Variants in PNLIP observed in about 807,000 individuals in gnomAD.
PNLIP encodes the protein pancreatic triacylglycerol lipase.
PNLIP carries 49 observed loss-of-function variants against 57.1 expected under a neutral mutation model. The observed-to-expected ratio is 0.86, with a 90% CI of 0.68 to 1.09. The LOEUF is 1.09. Among genes scored for constraint, PNLIP ranks in the 50% least tolerant of loss-of-function variants. The pLI, the probability that PNLIP is intolerant of heterozygous loss-of-function variation, is 0.00. For synonymous variants in PNLIP, 209 were observed against 200.4 expected (o/e 1.04, Z -0.36); for missense variants, 503 against 570.2 (o/e 0.88, Z 1.20).
At position 116,546,402 on chromosome 10, in the gene PNLIP, C is replaced by A. The variant is rs1358945029; in HGVS notation, c.46+264C>A. 2.6e-5 allele frequency among the ~76,000 whole-genome samples: 4 copies of A among 152,190 alleles called. No individual in the cohort carries two copies. The East Asian group carries it at 7.7e-4, about 29-fold the overall frequency. ...TGACATATCTATACTAAAACATTAT[C>A]ATTTATCTGAAATTCAAATTTACTT... On this transcript the variant is annotated intron_variant, in intron 2 of 12. Transcript: ENST00000369221.
intron 12 of PNLIP, among the ~76,000 whole-genome samples, chr10:116,564,726 C>A (rs766402915): frequency 3.3e-5 from 5 of 151,876 alleles, no homozygotes; most frequent in African/African-American, 1.2e-4. Flanking sequence ...TAAAATATAA[C>A]AATGACATAA....
intron 12 of PNLIP, among the ~76,000 whole-genome samples, chr10:116,562,688 C>G (rs1285568210): frequency 6.6e-6 from 1 of 152,152 alleles, no homozygotes; most frequent in Non-Finnish European, 1.5e-5. Context: ...GAGAACAAAC[C>G]AGCTGGAGGT....
At chr10:116,550,548 CG>C (rs1328419992) in intron 4 of PNLIP, among the ~76,000 whole-genome samples, 23 of 152,214 alleles carry the variant, frequency 1.5e-4, no homozygotes, top group African/African-American at 5.3e-4. Flanking sequence ...CAATAAAACA[CG>C]TTCATCCAAA....
intron 12 of PNLIP, among the ~76,000 whole-genome samples, chr10:116,565,026 C>G (rs982217081): frequency 6.6e-6 from 1 of 151,682 alleles, no homozygotes; most frequent in African/African-American, 2.4e-5. Context: ...TTTGGGAGGC[C>G]GAGGCGGGTG....
chr10:116,551,400 G>A (rs1351372987), intron 5 of PNLIP, 168 bp downstream of exon 5: 2 of 452,620 alleles, frequency 4.4e-6, no homozygotes, highest in South Asian at 1.9e-4. Flanking sequence ...TCTAGCTTTG[G>A]GTTTCATCAA....
chr10:116,547,422 A>G lies in PNLIP; in HGVS notation c.175A>G (p.Thr59Ala), dbSNP rs147154871. 152 of 1,613,296 alleles carry G rather than the reference A, an allele frequency of 9.4e-5. No homozygotes were observed. In the East Asian group the frequency reaches 3.0e-3, roughly 32 times the overall value. ...KDVNTRFLLY[T>A]NENPNNFQEV... Reference sequence around the variant, plus strand: ...TGTCAACACCCGCTTCCTCCTATATACTAATGAGAACCCAAACAACTTTCA... The same window carrying G: ...TGTCAACACCCGCTTCCTCCTATATGCTAATGAGAACCCAAACAACTTTCA... The change falls in exon 3 of 13, where the codon ACT (threonine) becomes GCT (alanine). Residue 59 changes from threonine (T) to alanine (A), a missense_variant. Physicochemically the swap from Thr to Ala is moderately conservative, Grantham distance 58. Coordinates refer to ENST00000369221, the MANE Select transcript of PNLIP (RefSeq NM_000936.4).
intron 9 of PNLIP, among the ~76,000 whole-genome samples, chr10:116,556,533 A>C (rs1336491978): frequency 6.6e-6 from 1 of 152,048 alleles, no homozygotes; most frequent in Non-Finnish European, 1.5e-5. Context: ...TAATGGCCAA[A>C]ATTTTTTTTT....
intron 12 of PNLIP, among the ~76,000 whole-genome samples, chr10:116,566,275 C>G (rs538742599): frequency 6.6e-6 from 1 of 152,146 alleles, no homozygotes; most frequent in African/African-American, 2.4e-5. Context: ...GGATGAATCT[C>G]GAGATAATTA....
chr10:116,561,506 G>A lies in PNLIP; in HGVS notation c.1204G>A (p.Glu402Lys). 1.2e-6 allele frequency: 2 copies of A among 1,613,878 alleles called. No homozygotes were observed. The highest frequency in any genetic ancestry group is 2.2e-5 in the South Asian group (2 of 91,014). The part of the protein sequence containing the change: ...TLKPDSTHSN[E>K]FDSDVDVGDL... ...CAAACCAGATAGTACTCATTCCAATGAATTTGACTCAGATGTGGATGTTGG... is the reference window on the plus strand; with the variant it reads ...CAAACCAGATAGTACTCATTCCAATAAATTTGACTCAGATGTGGATGTTGG... The change falls in exon 12 of 13, where the codon GAA becomes AAA. Residue 402 changes from glutamate to lysine, a missense_variant. Transcript: ENST00000369221.
chr10:116,547,071 G>C, intron 2 of PNLIP, among the ~76,000 whole-genome samples: 1 of 152,164 alleles, frequency 6.6e-6, no homozygotes, highest in Non-Finnish European at 1.5e-5. Flanking sequence ...GACACAAGGG[G>C]AGTGAAGTGA....
At chr10:116,553,199 G>A (rs901510055) in intron 5 of PNLIP, among the ~76,000 whole-genome samples, 9 of 152,080 alleles carry the variant, frequency 5.9e-5, no homozygotes, top group East Asian at 1.9e-4. Flanking sequence ...TCCGTCTCCC[G>A]GGTTCAAGTG....
rs2133203102 is a variant in PNLIP, at chr10:116,555,380, G to T, written c.692-8G>T. On this transcript the variant is annotated splice_region_variant and splice_polypyrimidine_tract_variant and intron_variant, in intron 7 of 12. Coordinates refer to ENST00000369221, the MANE Select transcript of PNLIP (RefSeq NM_000936.4). The stretch of plus-strand genomic sequence containing the variant: ...AGCATAAACCCTCATGTATTTTTAT[G>T]ATTTCAGGGTTTGGAATGAGCCAAG... The T allele has an allele frequency of 6.2e-7, 1 of 1,614,068 alleles. No homozygotes were observed. The highest frequency in any genetic ancestry group is 8.5e-7 in the Non-Finnish European group (1 of 1,180,012).
At position 116,562,840 on chromosome 10, in the gene PNLIP, T is replaced by G. The variant is rs139416937; in HGVS notation, c.1334+1204T>G. ...GGTAGAGTATTTTAGAAGGTCTTGC[T>G]TTATAGTGGAAAATAATTTACCTAT... On this transcript the variant is annotated intron_variant, in intron 12 of 12. Coordinates refer to ENST00000369221, the MANE Select transcript of PNLIP (RefSeq NM_000936.4). Among the ~76,000 whole-genome samples, 563 of 152,340 alleles carry G rather than the reference T, an allele frequency of 3.7e-3. 1 individual carries two copies. Among genetic ancestry groups the G allele is most frequent in the African/African-American group, 0.013 (536 of 41,574 alleles).
At chr10:116,554,321 T>G (rs562122694) in intron 6 of PNLIP, among the ~76,000 whole-genome samples, 1 of 152,368 alleles carries the variant, frequency 6.6e-6, no homozygotes, top group East Asian at 1.9e-4. Context: ...AGCTGAAATT[T>G]GTATAACTAA....
intron 1 of PNLIP, 55 bp downstream of exon 1, chr10:116,546,013 C>A: frequency 2.5e-6 from 3 of 1,204,698 alleles, no homozygotes; most frequent in Non-Finnish European, 3.7e-6. Context: ...TCCATTTTCC[C>A]CCAGAGGTCT....
In PNLIP at chr10:116,545,957, C is replaced by T. The variant is rs1160985175; in HGVS notation, c.-2C>T. The T allele has an allele frequency of 1.9e-5, 13 of 700,426 alleles. No individual in the cohort carries two copies. In the Admixed American group the frequency reaches 2.6e-4, roughly 14 times the overall value. 43.4% of individuals were successfully genotyped at this position (700,426 alleles called of 1,614,324 possible). A position where few individuals can be genotyped will look rare whatever the true frequency, so the allele number is the denominator to read the frequency against. ...CGTGTGGAACCTGACGGAACTGCCA[C>T]GGTGAGTCGGGAACATGTTTTCCAG... On this transcript the variant is annotated splice_region_variant and 5_prime_UTR_variant, in exon 1 of 13. It adds an upstream start codon to the 5' untranslated region. Coordinates refer to ENST00000369221, the MANE Select transcript of PNLIP (RefSeq NM_000936.4).
In PNLIP at chr10:116,552,184, A is replaced by G. The variant is rs1589555494; in HGVS notation, c.459+952A>G. ...CATGATAATGATAATAAATGATGAC[A>G]TTACTGGTTTACATATTTACTACAC... is the stretch of plus-strand genomic sequence containing the variant. On this transcript the variant is annotated intron_variant, in intron 5 of 12. Transcript: ENST00000369221. Among the ~76,000 whole-genome samples, 3 of 152,252 alleles carry G rather than the reference A, an allele frequency of 2.0e-5. No individual in the cohort carries two copies. The South Asian group carries it at 6.2e-4, about 31-fold the overall frequency.
Position 116,553,781 on chromosome 10 carries a change from G to T in PNLIP, c.514G>T (p.Ala172Ser). The T allele has an allele frequency of 6.2e-7, 1 of 1,613,270 alleles. No homozygotes were observed. Among genetic ancestry groups the T allele is most frequent in the Non-Finnish European group, 8.5e-7 (1 of 1,179,454 alleles). Residue 172 changes from alanine (A) to serine (S), a missense_variant, in exon 6 of 13, where the codon GCC (alanine) becomes TCC (serine). Coordinates refer to ENST00000369221, the MANE Select transcript of PNLIP (RefSeq NM_000936.4). Reference protein sequence around the residue: ...NVHVIGHSLGAHAAGEAGRRT... With the variant: ...NVHVIGHSLGSHAAGEAGRRT... Reference sequence around the variant, plus strand: ...GCATGTCATTGGCCACAGCCTGGGTGCCCACGCTGCTGGGGAGGCTGGAAG... The same window carrying T: ...GCATGTCATTGGCCACAGCCTGGGTTCCCACGCTGCTGGGGAGGCTGGAAG...
rs1847120143 is a variant in PNLIP, at chr10:116,546,088, T to C, written c.1-5T>C. 1 of 1,613,684 alleles carries C rather than the reference T, an allele frequency of 6.2e-7. No individual in the cohort carries two copies. The highest frequency in any genetic ancestry group is 1.1e-5 in the South Asian group (1 of 91,078). ...AGACTCAATCATGTTTTTAATTTCGTGTAGATGCTGCCACTTTGGACTCTT... is the reference window on the plus strand; with the variant it reads ...AGACTCAATCATGTTTTTAATTTCGCGTAGATGCTGCCACTTTGGACTCTT... On this transcript the variant is annotated splice_polypyrimidine_tract_variant and splice_region_variant and intron_variant, in intron 1 of 12. Coordinates refer to ENST00000369221, the MANE Select transcript of PNLIP (RefSeq NM_000936.4).
Sources: allele counts gnomAD v4.1 joint callset (sites outside exome capture counted in the v4.1 genomes callset), GRCh38; gene constraint gnomAD v4.1.1; transcripts MANE v1.5; gene names NCBI Gene and HGNC (gene_info 2026-07-23, HGNC 2026-07-21).